Variants in ATP8B4 observed in about 807,000 individuals in gnomAD.
ATP8B4 encodes the protein probable phospholipid-transporting ATPase IM.
Under a neutral mutation model 145.6 loss-of-function variants are expected in ATP8B4, and 133 were observed. The observed-to-expected ratio is 0.91, with a 90% CI of 0.79 to 1.05. The LOEUF is 1.05. Ranked by LOEUF, ATP8B4 falls within the 50% of genes least tolerant of loss-of-function variation. The pLI, the probability that ATP8B4 is intolerant of heterozygous loss-of-function variation, is 0.00. For missense variants in ATP8B4, 1,458 were observed against 1,425.2 expected (o/e 1.02, Z -0.37); for synonymous variants, 507 against 492.9 (o/e 1.03, Z -0.38).
At chr15:49,982,086 T>C (rs2046203394) in intron 10 of ATP8B4, among the ~76,000 whole-genome samples, 1 of 152,160 alleles carries the variant, frequency 6.6e-6, no homozygotes, top group South Asian at 2.1e-4. Context: ...CAGTGTTTCC[T>C]CTTCACATAT....
intron 1 of ATP8B4, among the ~76,000 whole-genome samples, chr15:50,174,146 A>G (rs1595670538): frequency 1.3e-5 from 2 of 152,312 alleles, no homozygotes; most frequent in Non-Finnish European, 2.9e-5. Flanking sequence ...ACATACCTCA[A>G]TGTAATAAAA....
intron 17 of ATP8B4, chr15:49,922,460 C>A (rs1235079508): frequency 1.7e-5 from 7 of 422,188 alleles, no homozygotes. Context: ...AAAACAATAG[C>A]TATGTTTGTA....
chr15:49,986,678 G>A (rs1362639729), intron 10 of ATP8B4, among the ~76,000 whole-genome samples: 2 of 152,232 alleles, frequency 1.3e-5, no homozygotes, highest in Admixed American at 6.5e-5. Context: ...TTAATTTGGT[G>A]TCACAATAAA....
chr15:50,104,700 T>A (rs2056572316), intron 2 of ATP8B4, among the ~76,000 whole-genome samples: 1 of 152,152 alleles, frequency 6.6e-6, no homozygotes, highest in South Asian at 2.1e-4. Context: ...ATCTACCATT[T>A]GACCCAGCAA....
In ATP8B4 at chr15:50,034,069, G is replaced by T. The variant is rs181524033; in HGVS notation, c.362+4699C>A. ...GGTAGAATGACTTATTTTCCACTGG[G>T]TGTATATCCAGTAATGAAATTGCTG... On this transcript the variant is annotated intron_variant, in intron 6 of 27. Transcript: ENST00000284509. Among the ~76,000 whole-genome samples, 420 of 152,156 alleles carry T rather than the reference G, an allele frequency of 2.8e-3. 3 individuals carry two copies. Among genetic ancestry groups the T allele is most frequent in the Non-Finnish European group, 2.1e-3 (141 of 67,986 alleles).
In ATP8B4 at chr15:49,931,123, G is replaced by C; in HGVS notation, c.1638C>G (p.Val546=). The C allele has an allele frequency of 3.7e-6, 6 of 1,609,958 alleles. No individual in the cohort carries two copies. The highest frequency in any genetic ancestry group is 5.1e-6 in the Non-Finnish European group (6 of 1,177,356). Residue 546 remains valine (V), a synonymous_variant, in exon 16 of 28, where the codon GTC becomes GTG. Transcript: ENST00000284509. ...AGTCTTAGCTACCAACCATACCTATGACAGACATCCTTTTTCTGGTGTTGT... is the reference window on the plus strand; with the variant it reads ...AGTCTTAGCTACCAACCATACCTATCACAGACATCCTTTTTCTGGTGTTGT... ...DFNNTRKRMS[V]IVRNPEGQIK...
chr15:50,131,158 C>T (rs2057343354), intron 1 of ATP8B4, among the ~76,000 whole-genome samples: 1 of 152,114 alleles, frequency 6.6e-6, no homozygotes, highest in Admixed American at 6.5e-5. Context: ...ATTACCTCCA[C>T]CTGATCTCTC....
intron 15 of ATP8B4, among the ~76,000 whole-genome samples, chr15:49,932,130 T>C (rs942628457): frequency 2.6e-5 from 4 of 151,872 alleles, no homozygotes; most frequent in Non-Finnish European, 4.4e-5. Flanking sequence ...GACCCATATT[T>C]CCTGATTTAT....
chr15:49,905,773 A>G (rs2038547550), intron 20 of ATP8B4, among the ~76,000 whole-genome samples: 2 of 152,136 alleles, frequency 1.3e-5, no homozygotes, highest in Admixed American at 1.3e-4. Flanking sequence ...TAATTGTAAA[A>G]GCATTACACA....
chr15:50,111,558 G>T (rs1362599341), intron 1 of ATP8B4, among the ~76,000 whole-genome samples: 1 of 152,198 alleles, frequency 6.6e-6, no homozygotes, highest in Admixed American at 6.5e-5. Flanking sequence ...CCATCCAAGA[G>T]AACAGCCCTC....
At chr15:50,072,993 T>TAC in intron 3 of ATP8B4, among the ~76,000 whole-genome samples, 1 of 31,510 alleles carries the variant, frequency 3.2e-5, no homozygotes, top group Non-Finnish European at 5.6e-5. Flanking sequence ...TATATATATA[T>TAC]ATATATATAT....
chr15:50,060,832 C>T (rs761409458), intron 3 of ATP8B4, among the ~76,000 whole-genome samples: 3 of 152,098 alleles, frequency 2.0e-5, no homozygotes, highest in African/African-American at 7.2e-5. Context: ...CCAGGTGAGG[C>T]CAATGATGCT....
At chr15:49,875,405 G>T (rs772989643) in intron 25 of ATP8B4, among the ~76,000 whole-genome samples, 15 of 152,196 alleles carry the variant, frequency 9.9e-5, no homozygotes, top group Non-Finnish European at 1.6e-4. Context: ...AGAATCCAGA[G>T]AATTGGAAAT....
intron 12 of ATP8B4, among the ~76,000 whole-genome samples, chr15:49,976,309 C>CTTACTCT (rs2045657342): frequency 7.2e-6 from 1 of 138,630 alleles, no homozygotes; most frequent in Non-Finnish European, 1.6e-5. Flanking sequence ...CTTTATTTTC[C>CTTACTCT]TTACTCTTTT....
At chr15:49,928,787 G>A (rs749809620) in intron 16 of ATP8B4, among the ~76,000 whole-genome samples, 9 of 152,180 alleles carry the variant, frequency 5.9e-5, no homozygotes, top group Non-Finnish European at 1.0e-4. Flanking sequence ...ATGCCTCTGA[G>A]GAGAGACTTA....
intron 14 of ATP8B4, among the ~76,000 whole-genome samples, chr15:49,947,064 G>A (rs114901983): frequency 1.2e-3 from 180 of 152,310 alleles, no homozygotes; most frequent in African/African-American, 4.0e-3. Context: ...CGGTAGGGTT[G>A]TTGCTAGCTG....
At chr15:50,049,571 C>T (rs1473629826) in intron 3 of ATP8B4, among the ~76,000 whole-genome samples, 6 of 152,198 alleles carry the variant, frequency 3.9e-5, no homozygotes, top group Non-Finnish European at 7.3e-5. Flanking sequence ...TCTAGGTTGA[C>T]TCCATGTCTT....
chr15:50,135,909 C>T (rs2044115386), intron 1 of ATP8B4, among the ~76,000 whole-genome samples: 1 of 152,210 alleles, frequency 6.6e-6, no homozygotes, highest in African/African-American at 2.4e-5. Flanking sequence ...CAAAATTAAA[C>T]TGAACGGTCC....
chr15:49,865,410 C>T (rs2032611533), intron 26 of ATP8B4, among the ~76,000 whole-genome samples: 3 of 152,282 alleles, frequency 2.0e-5, no homozygotes, highest in South Asian at 2.1e-4. Flanking sequence ...GTTCTTTGAG[C>T]CACTCTAGAA....
Sources: gnomAD v4.1 joint callset for allele counts (sites outside exome capture counted in the v4.1 genomes callset) on GRCh38, gnomAD v4.1.1 for gene constraint, MANE v1.5 for transcripts, NCBI Gene and HGNC (gene_info 2026-07-23, HGNC 2026-07-21) for gene names.